NXPE4: variants seen among roughly 807,000 people sequenced by gnomAD.
NXPE4 encodes NXPE family member 4.
A neutral mutation model predicts 33.3 loss-of-function variants in NXPE4; 42 were observed. The observed-to-expected ratio is 1.26, with a 90% CI of 0.98 to 1.63. NXPE4 has a LOEUF of 1.63. Ranked by LOEUF, NXPE4 falls within the 40% of genes most tolerant of loss-of-function variation. NXPE4 has a pLI of 0.00. For synonymous variants in NXPE4, 253 were observed against 234.9 expected (o/e 1.08, Z -0.71); for missense variants, 709 against 647.6 (o/e 1.09, Z -1.03).
chr11:114,628,671 A>C, the NXPE4 span, among the ~76,000 whole-genome samples: 1 of 122,710 alleles, frequency 8.1e-6, no homozygotes, highest in Non-Finnish European at 1.7e-5. Flanking sequence ...AACTAAAATC[A>C]GAGCAGAACT....
At chr11:114,666,136 C>T in the NXPE4 span, among the ~76,000 whole-genome samples, 927 of 152,282 alleles carry the variant, frequency 6.1e-3, 2 homozygotes, top group Non-Finnish European at 8.9e-3. Context: ...CCATGCCATC[C>T]TTTCCACTGA....
chr11:114,581,770 C>T lies in NXPE4; in HGVS notation c.847G>A (p.Glu283Lys). ...ATTGTATTGAATTTTTCCATAATCT[C>T]TACACCCACATTTGACCTTAAAGAC... is the stretch of plus-strand genomic sequence containing the variant. Reference protein sequence around the residue: ...SLFERSNVGVEIMEKFNTISV... With the variant: ...SLFERSNVGVKIMEKFNTISV... The change falls in exon 4 of 6, where the codon GAG becomes AAG. Residue 283 changes from glutamate to lysine, a missense_variant. Coordinates refer to ENST00000375478, the MANE Select transcript of NXPE4 (RefSeq NM_001077639.2). 1 of 1,610,280 alleles carries T rather than the reference C, an allele frequency of 6.2e-7. No homozygotes were observed. Among genetic ancestry groups the T allele is most frequent in the Non-Finnish European group, 8.5e-7 (1 of 1,178,096 alleles).
intron 2 of NXPE4, among the ~76,000 whole-genome samples, chr11:114,590,175 CA>C (rs1430143841): frequency 6.6e-6 from 1 of 152,132 alleles, no homozygotes; most frequent in Non-Finnish European, 1.5e-5. Flanking sequence ...CAGGGTCTTG[CA>C]ATATGTGGAT....
intron 4 of NXPE4, among the ~76,000 whole-genome samples, chr11:114,580,576 C>T (rs1393009783): frequency 6.6e-6 from 1 of 151,834 alleles, no homozygotes; most frequent in Non-Finnish European, 1.5e-5. Flanking sequence ...TATGTTTCTT[C>T]CCAGAAAAAA....
the NXPE4 span, among the ~76,000 whole-genome samples, chr11:114,604,108 G>C: frequency 2.0e-5 from 3 of 151,954 alleles, no homozygotes; most frequent in African/African-American, 7.3e-5. Context: ...TTATCTGCTG[G>C]ATAATAAGTA....
the NXPE4 span, among the ~76,000 whole-genome samples, chr11:114,603,635 C>T: frequency 6.6e-6 from 1 of 151,382 alleles, no homozygotes; most frequent in African/African-American, 2.4e-5. Context: ...TAGGTAACTC[C>T]TATTACCTGG....
the NXPE4 span, among the ~76,000 whole-genome samples, chr11:114,650,074 G>A: frequency 6.6e-6 from 1 of 151,548 alleles, no homozygotes; most frequent in Non-Finnish European, 1.5e-5. Flanking sequence ...CTAACAATGA[G>A]AAAAAAAATC....
intron 5 of NXPE4, among the ~76,000 whole-genome samples, chr11:114,573,667 C>G (rs1948938488): frequency 6.6e-6 from 1 of 151,932 alleles, no homozygotes; most frequent in South Asian, 2.1e-4. Flanking sequence ...GAAAATACCA[C>G]AATTCTAAAT....
the NXPE4 span, among the ~76,000 whole-genome samples, chr11:114,609,102 A>G: frequency 0.013 from 1,872 of 147,084 alleles, 36 homozygotes; most frequent in African/African-American, 0.044. Context: ...GTGTTGCCTC[A>G]TGGGTAGCTA....
the NXPE4 span, among the ~76,000 whole-genome samples, chr11:114,678,037 C>T: frequency 6.6e-6 from 1 of 152,068 alleles, no homozygotes; most frequent in South Asian, 2.1e-4. Context: ...TTTAAATCAT[C>T]GCTGTGGGAC....
At chr11:114,572,590 T>C (rs1948915358) in intron 5 of NXPE4, among the ~76,000 whole-genome samples, 1 of 151,888 alleles carries the variant, frequency 6.6e-6, no homozygotes, top group Non-Finnish European at 1.5e-5. Flanking sequence ...TTCTCAGCAA[T>C]AGAATTGAAC....
At chr11:114,617,408 G>C in the NXPE4 span, among the ~76,000 whole-genome samples, 1 of 152,050 alleles carries the variant, frequency 6.6e-6, no homozygotes. Flanking sequence ...TGCCTCGTGG[G>C]TAACCACTGT....
the NXPE4 span, among the ~76,000 whole-genome samples, chr11:114,613,488 A>C: frequency 6.6e-6 from 1 of 151,980 alleles, no homozygotes; most frequent in South Asian, 2.1e-4. Context: ...CCTCGTGGGT[A>C]ACCACTATTA....
the NXPE4 span, among the ~76,000 whole-genome samples, chr11:114,609,461 G>T: frequency 6.6e-6 from 1 of 151,824 alleles, no homozygotes; most frequent in Non-Finnish European, 1.5e-5. Flanking sequence ...GTTACCCAAT[G>T]GATAATAAGT....
At chr11:114,666,810 A>G in the NXPE4 span, among the ~76,000 whole-genome samples, 1 of 152,264 alleles carries the variant, frequency 6.6e-6, no homozygotes, top group South Asian at 2.1e-4. Context: ...TTGTATTTAC[A>G]ACATTTGAAC....
chr11:114,674,126 C>CAAACAAACA, the NXPE4 span, among the ~76,000 whole-genome samples: 539 of 81,004 alleles, frequency 6.7e-3, 4 homozygotes, highest in East Asian at 0.035. Flanking sequence ...AACAAACAAA[C>CAAACAAACA]AAGTGAACAA....
the NXPE4 span, among the ~76,000 whole-genome samples, chr11:114,666,115 T>G: frequency 3.3e-5 from 5 of 152,128 alleles, no homozygotes; most frequent in Non-Finnish European, 7.4e-5. Context: ...ACTCTCCACA[T>G]CTTTAGACAG....
the NXPE4 span, among the ~76,000 whole-genome samples, chr11:114,643,939 T>C: frequency 3.9e-5 from 6 of 152,172 alleles, no homozygotes; most frequent in African/African-American, 1.4e-4. Context: ...CTTATTTTCT[T>C]GAGCAGTGAT....
At chr11:114,599,128 T>C (rs1210841724), upstream of NXPE4, among the ~76,000 whole-genome samples, 1 of 152,198 alleles carries the variant, frequency 6.6e-6, no homozygotes, top group African/African-American at 2.4e-5. Context: ...TTGAACACTT[T>C]GCTGCTTAGA....
Sources: gnomAD v4.1 joint callset for allele counts (sites outside exome capture counted in the v4.1 genomes callset) on GRCh38, gnomAD v4.1.1 for gene constraint, MANE v1.5 for transcripts, NCBI Gene and HGNC (gene_info 2026-07-23, HGNC 2026-07-21) for gene names.